KLRG1: variants seen among roughly 807,000 people sequenced by gnomAD.
The protein encoded by KLRG1 is killer cell lectin-like receptor subfamily G member 1.
A neutral mutation model predicts 21.8 loss-of-function variants in KLRG1; 16 were observed. The ratio of observed to expected loss-of-function variants is 0.73; its 90% confidence interval spans 0.50 to 1.11. KLRG1 has a LOEUF of 1.11. KLRG1 is among the 50% of genes most tolerant of loss of function. The pLI is 0.00. For synonymous variants in KLRG1, 69 were observed against 75.9 expected, an observed-to-expected ratio of 0.91 and a Z score of 0.47; for missense variants, 173 against 218.3, an observed-to-expected ratio of 0.79 and a Z score of 1.31.
chr12:9,157,274 A>G, the KLRG1 span: 1 of 1,614,132 alleles, frequency 6.2e-7, no homozygotes, highest in Non-Finnish European at 8.5e-7. Context: ...GCCTTGGTGT[A>G]GACATGGCTC....
the KLRG1 span, among the ~76,000 whole-genome samples, chr12:9,145,023 A>G: frequency 6.6e-6 from 1 of 152,322 alleles, no homozygotes; most frequent in East Asian, 1.9e-4. Flanking sequence ...TTTGCATGGG[A>G]TATCTTTTTC....
chr12:9,179,075 C>T, the KLRG1 span, among the ~76,000 whole-genome samples: 4 of 152,140 alleles, frequency 2.6e-5, no homozygotes, highest in Non-Finnish European at 4.4e-5. Flanking sequence ...TATAAAATTT[C>T]TCATAACTTT....
At chr12:9,163,782 C>G in the KLRG1 span, 1 of 1,611,774 alleles carries the variant, frequency 6.2e-7, no homozygotes, top group Non-Finnish European at 8.5e-7. Context: ...CTGAGAAGTT[C>G]ACATTCCCTA....
chr12:9,002,806 AT>A (rs1373923397), intron 3 of KLRG1, among the ~76,000 whole-genome samples: 1 of 151,546 alleles, frequency 6.6e-6, no homozygotes, highest in Non-Finnish European at 1.5e-5. Context: ...GGCTCAAGAG[AT>A]TTTCCTGCCT....
At chr12:8,952,203 G>T (rs1409815284) in intron 1 of KLRG1, among the ~76,000 whole-genome samples, 1 of 152,198 alleles carries the variant, frequency 6.6e-6, no homozygotes, top group African/African-American at 2.4e-5. Flanking sequence ...TGTTCACCTT[G>T]TTTAGAAAGC....
At chr12:9,029,120 G>A in the KLRG1 span, 2 of 379,736 alleles carry the variant, frequency 5.3e-6, no homozygotes, top group East Asian at 5.3e-5. Context: ...TTTTAATGAT[G>A]CTTCCTCGGT....
the KLRG1 span, chr12:9,150,494 G>A: frequency 1.8e-6 from 1 of 547,168 alleles, no homozygotes; most frequent in Non-Finnish European, 3.2e-6. Flanking sequence ...ATGTTGGCCA[G>A]ACTGTAGTAA....
the KLRG1 span, among the ~76,000 whole-genome samples, chr12:9,172,021 A>C: frequency 6.6e-6 from 1 of 152,288 alleles, no homozygotes; most frequent in East Asian, 1.9e-4. Flanking sequence ...AAGAACATCA[A>C]CCCAAAGACA....
the KLRG1 span, among the ~76,000 whole-genome samples, chr12:9,211,313 C>A: frequency 1.3e-5 from 2 of 151,700 alleles, no homozygotes; most frequent in South Asian, 4.2e-4. Context: ...TCTTTTTTCA[C>A]CTTTAATTAA....
the KLRG1 span, among the ~76,000 whole-genome samples, chr12:9,132,735 A>T: frequency 6.6e-6 from 1 of 152,208 alleles, no homozygotes; most frequent in Non-Finnish European, 1.5e-5. Context: ...TTTAATATAT[A>T]TGGGCACATT....
Position 8,968,754 on chromosome 12 carries a change from A to G in KLRG1, c.-156+18518A>G, listed in dbSNP as rs994502971. Among the ~76,000 whole-genome samples the G allele has an allele frequency of 1.5e-4, 23 of 152,340 alleles. 1 individual carries two copies. Among genetic ancestry groups the G allele is most frequent in the Non-Finnish European group, 2.8e-4 (19 of 68,032 alleles). ...ATTTACAAGGACTGAAATCATGCAA[A>G]GTATATTTGACCAAAACAGAATTAA... is the stretch of plus-strand genomic sequence containing the variant. On this transcript the variant is annotated intron_variant, in intron 1 of 4. Coordinates refer to the KLRG1 transcript ENST00000539240.
intron 3 of KLRG1, among the ~76,000 whole-genome samples, chr12:8,998,184 C>T (rs1445720350): frequency 1.3e-5 from 2 of 152,022 alleles, no homozygotes; most frequent in East Asian, 3.9e-4. Context: ...CAAAAATTAG[C>T]TAGGCGTGCT....
chr12:9,184,510 A>G, the KLRG1 span, among the ~76,000 whole-genome samples: 1 of 152,220 alleles, frequency 6.6e-6, no homozygotes, highest in Non-Finnish European at 1.5e-5. Flanking sequence ...GAATGCCTGC[A>G]CAAAGGCCAG....
At chr12:8,990,184 G>GTTTTTTT (rs988680658) in intron 1 of KLRG1, 1 of 128,422 alleles carries the variant, frequency 7.8e-6, no homozygotes. Flanking sequence ...TACATATCTA[G>GTTTTTTT]TTTTGTTTTT....
At chr12:9,078,409 A>G in the KLRG1 span, among the ~76,000 whole-genome samples, 1 of 152,220 alleles carries the variant, frequency 6.6e-6, no homozygotes, top group African/African-American at 2.4e-5. Context: ...CATGATGTAT[A>G]TGTACCACAT....
chr12:8,957,762 A>G (rs1946319312), intron 1 of KLRG1, among the ~76,000 whole-genome samples: 1 of 152,200 alleles, frequency 6.6e-6, no homozygotes. Context: ...GCGTGTTTCC[A>G]CTGGATGAAG....
At chr12:9,185,814 C>CTTTT in the KLRG1 span, among the ~76,000 whole-genome samples, 7 of 147,302 alleles carry the variant, frequency 4.8e-5, no homozygotes, top group Middle Eastern at 3.6e-3. Context: ...CTTTTCTTTT[C>CTTTT]TTTTTTTTTT....
the KLRG1 span, chr12:9,095,061 G>C: frequency 6.3e-7 from 1 of 1,590,364 alleles, no homozygotes; most frequent in Non-Finnish European, 8.6e-7. Context: ...TCTTTGAGTT[G>C]GTGAATGCCT....
chr12:9,110,349 A>G, the KLRG1 span: 2 of 1,393,830 alleles, frequency 1.4e-6, no homozygotes, highest in Non-Finnish European at 9.6e-7. Context: ...AAGACAAAAG[A>G]AAAAAGAAGT....
Sources: allele counts gnomAD v4.1 joint callset (sites outside exome capture counted in the v4.1 genomes callset), GRCh38; gene constraint gnomAD v4.1.1; transcripts MANE v1.5; gene names NCBI Gene and HGNC (gene_info 2026-07-23, HGNC 2026-07-21).